The following CLIP1 variants were observed in gnomAD, a reference collection of about 807,000 sequenced individuals.
CLIP1 encodes the protein CAP-Gly domain containing linker protein 1, also known as CAP-Gly domain-containing linker protein 1.
CLIP1 carries 66 observed loss-of-function variants against 161.6 expected under a neutral mutation model. That is an observed-to-expected ratio of 0.41 (90% CI 0.33 to 0.50). CLIP1 has a LOEUF of 0.50. CLIP1 is among the 20% of genes least tolerant of loss of function. The pLI is 0.27. For synonymous variants in CLIP1, 598 were observed against 626.2 expected, an observed-to-expected ratio of 0.96 and a Z score of 0.67; for missense variants, 1,376 against 1,702.0, an observed-to-expected ratio of 0.81 and a Z score of 3.37.
At chr12:122,372,872 C>T (rs1186304895) in intron 3 of CLIP1, among the ~76,000 whole-genome samples, 1 of 152,078 alleles carries the variant, frequency 6.6e-6, no homozygotes, top group Non-Finnish European at 1.5e-5. Context: ...CCAAAAAGAG[C>T]CCAAGAATTC....
rs763474259 is a variant in CLIP1, at chr12:122,332,981, A to G, written c.2867+6T>C. ...GGTCAGCACTCTTTTCAACAGTCAC[A>G]TATACCTTTCTTTCAGACGTAATTC... On this transcript the variant is annotated splice_donor_region_variant and intron_variant, in intron 15 of 25. Transcript: ENST00000620786. 4 of 1,612,922 alleles carry G rather than the reference A, an allele frequency of 2.5e-6. No individual in the cohort carries two copies. The Admixed American group carries it at 5.0e-5, about 20-fold the overall frequency.
intron 1 of CLIP1, among the ~76,000 whole-genome samples, chr12:122,389,053 T>G (rs139914491): frequency 3.9e-5 from 6 of 152,322 alleles, no homozygotes; most frequent in Non-Finnish European, 8.8e-5. Context: ...GAATGTCCTT[T>G]CCAAGTCTTG....
intron 1 of CLIP1, among the ~76,000 whole-genome samples, chr12:122,406,500 C>T (rs1447617193): frequency 6.6e-6 from 1 of 152,094 alleles, no homozygotes; most frequent in Non-Finnish European, 1.5e-5. Context: ...CTGAGACAAA[C>T]CTTACAGAGC....
intron 22 of CLIP1, 24 bp from the exon 23 acceptor site, chr12:122,278,966 G>C: frequency 1.2e-6 from 2 of 1,606,052 alleles, no homozygotes; most frequent in Non-Finnish European, 1.7e-6. Flanking sequence ...GTTTAGCTTA[G>C]GCTGAGGGTT....
At chr12:122,331,656 G>A (rs1951975641) in intron 15 of CLIP1, among the ~76,000 whole-genome samples, 1 of 152,076 alleles carries the variant, frequency 6.6e-6, no homozygotes, top group Non-Finnish European at 1.5e-5. Context: ...AAAGCTGTTA[G>A]CACAGTGCAT....
rs772866981 is a variant in CLIP1, at chr12:122,355,162, C to T, written c.1156G>A (p.Gly386Arg). ...AEVAKATSHV[G>R]EIEQELALAR... ...AGAGCTAGCTCCTGCTCTATCTCCC[C>T]CACGTGGCTCGTGGCCTTGGCCACC... The change falls in exon 6 of 26, where the codon GGG (glycine) becomes AGG (arginine). Residue 386 changes from glycine to arginine, a missense_variant. Gly to Arg is a moderately radical substitution (Grantham distance 125). Around this residue, in one of 6 missense-constraint regions of CLIP1, gnomAD observed 211 missense variants for 295.1 expected, o/e 0.72. Transcript: ENST00000620786. The surrounding 1 kb of genome is among the most constrained non-coding windows in gnomAD (Gnocchi z 4.1). 1 of 1,614,216 alleles carries T rather than the reference C, an allele frequency of 6.2e-7. No homozygotes were observed. Among genetic ancestry groups the T allele is most frequent in the Admixed American group, 1.7e-5 (1 of 60,024 alleles).
At chr12:122,337,378 C>T (rs946637555) in intron 11 of CLIP1, among the ~76,000 whole-genome samples, 10 of 147,482 alleles carry the variant, frequency 6.8e-5, no homozygotes, top group Non-Finnish European at 1.2e-4. Flanking sequence ...GCCTGGGAGG[C>T]GGAGGTTGGG....
intron 3 of CLIP1, 127 bp from the exon 4 acceptor site, chr12:122,364,234 T>A: frequency 8.9e-7 from 1 of 1,121,972 alleles, no homozygotes; most frequent in Non-Finnish European, 1.3e-6. Context: ...CTTTAGCTTC[T>A]CTTTGACTCT....
At chr12:122,295,702 G>C (rs763935841) in intron 20 of CLIP1, among the ~76,000 whole-genome samples, 10 of 152,128 alleles carry the variant, frequency 6.6e-5, no homozygotes, top group African/African-American at 1.7e-4. Flanking sequence ...CACTGAAATG[G>C]GGTACTGAAG....
At chr12:122,346,253 G>C (rs1952743478) in intron 10 of CLIP1, among the ~76,000 whole-genome samples, 1 of 152,180 alleles carries the variant, frequency 6.6e-6, no homozygotes, top group Non-Finnish European at 1.5e-5. Context: ...CTGCGCCTCA[G>C]TGTTCTTGTC....
chr12:122,273,147 G>A, intron 25 of CLIP1, 47 bp from the exon 26 acceptor site: 3 of 1,529,414 alleles, frequency 2.0e-6, no homozygotes, highest in Non-Finnish European at 2.7e-6. Context: ...AGAAGAAACT[G>A]AAGAGACAAG....
rs1954816869 is a variant in CLIP1, at chr12:122,377,803, C to T, written c.243G>A (p.Gln81=). The T allele has an allele frequency of 1.9e-6, 3 of 1,614,036 alleles. No individual in the cohort carries two copies. The highest frequency in any genetic ancestry group is 2.5e-6 in the Non-Finnish European group (3 of 1,180,018). The part of the protein sequence containing the change: ...PGFIQFLGET[Q]FAPGQWAGIV... ...TTCCAGCCCACTGGCCTGGTGCAAA[C>T]TGGGTTTCTCCAAGAAACTGGATAA... Residue 81 remains glutamine (Q), a synonymous_variant, in exon 3 of 26, where the codon CAG becomes CAA. Coordinates refer to ENST00000620786, the MANE Select transcript of CLIP1 (RefSeq NM_001247997.2).
chr12:122,284,831 C>G (rs1467648956), intron 21 of CLIP1, among the ~76,000 whole-genome samples: 1 of 152,014 alleles, frequency 6.6e-6, no homozygotes, highest in Non-Finnish European at 1.5e-5. Context: ...AGAAGAGAAC[C>G]AGCATAAAAA....
chr12:122,420,157 C>T (rs1242307049), intron 1 of CLIP1, among the ~76,000 whole-genome samples: 2 of 151,222 alleles, frequency 1.3e-5, no homozygotes, highest in African/African-American at 4.9e-5. Context: ...GGCTGGCCAA[C>T]GTGATGAAAC....
intron 17 of CLIP1, among the ~76,000 whole-genome samples, 188 bp from the exon 18 acceptor site, chr12:122,319,536 A>G (rs1483504094): frequency 6.6e-6 from 1 of 152,254 alleles, no homozygotes; most frequent in African/African-American, 2.4e-5. Context: ...TTTACTCTGA[A>G]GTAGAATATG....
chr12:122,384,716 G>A (rs1321314473), intron 1 of CLIP1, among the ~76,000 whole-genome samples: 1 of 151,248 alleles, frequency 6.6e-6, no homozygotes, highest in Non-Finnish European at 1.5e-5. Flanking sequence ...GGCCGAGATC[G>A]CGCCACTGCA....
At chr12:122,286,375 G>A (rs1392008646) in intron 21 of CLIP1, among the ~76,000 whole-genome samples, 1 of 151,792 alleles carries the variant, frequency 6.6e-6, no homozygotes, top group East Asian at 1.9e-4. Context: ...AAATTAGCCA[G>A]GCATGGTGGT....
At chr12:122,408,905 A>G (rs1956424718) in intron 1 of CLIP1, among the ~76,000 whole-genome samples, 1 of 152,006 alleles carries the variant, frequency 6.6e-6, no homozygotes, top group South Asian at 2.1e-4. Flanking sequence ...TCCGCCTCCC[A>G]GGCTCAAGTG....
chr12:122,286,783 C>T (rs900993361), intron 21 of CLIP1, among the ~76,000 whole-genome samples: 2 of 151,572 alleles, frequency 1.3e-5, no homozygotes, highest in Non-Finnish European at 2.9e-5. Flanking sequence ...CGGATCACGA[C>T]GTCAGGAGAT....
Sources: gnomAD v4.1 joint callset for allele counts (sites outside exome capture counted in the v4.1 genomes callset) on GRCh38, gnomAD v4.1.1 for gene constraint, gnomAD v4.1.1 regional missense constraint, Gnocchi (gnomAD v3.1) non-coding constraint, MANE v1.5 for transcripts, NCBI Gene and HGNC (gene_info 2026-07-23, HGNC 2026-07-21) for gene names.